Variants in TYRO3 observed in about 807,000 individuals in gnomAD.
TYRO3 encodes the protein tyrosine-protein kinase receptor TYRO3.
A neutral mutation model predicts 95.2 loss-of-function variants in TYRO3; 38 were observed. That is an observed-to-expected ratio of 0.40 (90% CI 0.31 to 0.52). TYRO3 has a LOEUF of 0.52. TYRO3 is among the 20% of genes least tolerant of loss of function. The pLI is 0.56. For synonymous variants in TYRO3, 367 were observed against 432.9 expected (o/e 0.85, Z 1.89); for missense variants, 812 against 1,116.4 (o/e 0.73, Z 3.89).
intron 9 of TYRO3, among the ~76,000 whole-genome samples, chr15:41,569,793 C>G (rs1223706564): frequency 6.6e-6 from 1 of 152,174 alleles, no homozygotes; most frequent in Non-Finnish European, 1.5e-5. Context: ...ATTCTCCTCT[C>G]TCTGCCCCAG....
intron 6 of TYRO3, 92 bp from the exon 7 acceptor site, chr15:41,567,268 A>G (rs2055734474): frequency 1.8e-6 from 2 of 1,116,556 alleles, no homozygotes; most frequent in African/African-American, 3.2e-5. Context: ...TGATAGAGGA[A>G]GCATTCATTC....
At chr15:41,560,428 T>TGTGTGC (rs1408766845) in intron 1 of TYRO3, among the ~76,000 whole-genome samples, 1,648 of 135,254 alleles carry the variant, frequency 0.012, 28 homozygotes, top group African/African-American at 0.037. Flanking sequence ...TGTGTGTGTG[T>TGTGTGC]GCGCGCGCGC....
At chr15:41,564,781 A>T in intron 5 of TYRO3, 1 of 511,018 alleles carries the variant, frequency 2.0e-6, no homozygotes, top group East Asian at 3.4e-5. Flanking sequence ...TTCCTCAGTT[A>T]CACAGGGCCT....
At chr15:41,572,421 T>C in intron 14 of TYRO3, 22 bp from the exon 15 acceptor site, 1 of 1,327,350 alleles carries the variant, frequency 7.5e-7, no homozygotes, top group Non-Finnish European at 1.0e-6. Flanking sequence ...TATGCTCAGC[T>C]CCTGACTCTC....
At chr15:41,564,922 G>T in intron 5 of TYRO3, 104 bp from the exon 6 acceptor site, 2 of 735,856 alleles carry the variant, frequency 2.7e-6, no homozygotes. Flanking sequence ...CTTTAGGTTG[G>T]GGATGCCCTG....
chr15:41,572,877 C>T, intron 15 of TYRO3, 125 bp from the exon 16 acceptor site: 1 of 819,970 alleles, frequency 1.2e-6, no homozygotes, highest in Non-Finnish European at 1.9e-6. Flanking sequence ...GAAGGCCCTC[C>T]ATCCCCTTCC....
chr15:41,568,246 GC>G lies in TYRO3; in HGVS notation c.993del (p.Ile332SerfsTer14), dbSNP rs1447471490. The G allele has an allele frequency of 6.2e-7, 1 of 1,612,700 alleles. No individual in the cohort carries two copies. Among genetic ancestry groups the G allele is most frequent in the Admixed American group, 1.7e-5 (1 of 59,978 alleles). ...AGCCAGCGCTCCCCAAAACCTCCAT[GC>G]CATCCGCACAGATTCAGGCCTCATC... is the stretch of plus-strand genomic sequence containing the variant. ...APASAPQNLH[A>X]IRTDSGLILE... On this transcript the variant is annotated frameshift_variant, in exon 8 of 19. Coordinates refer to ENST00000263798, the MANE Select transcript of TYRO3 (RefSeq NM_006293.4). LOFTEE classifies it high-confidence loss of function.
chr15:41,577,931 C>T lies in TYRO3; in HGVS notation c.2328C>T (p.Arg776=), dbSNP rs142520203. 6 of 1,613,090 alleles carry T rather than the reference C, an allele frequency of 3.7e-6. No individual in the cohort carries two copies. The African/African-American group carries it at 8.0e-5, about 22-fold the overall frequency. ...YQCWSADPKQ[R]PSFTCLRMEL... ...GCTGGAGTGCTGACCCCAAGCAGCG[C>T]CCGAGCTTTACTTGTCTGCGAATGG... is the stretch of plus-strand genomic sequence containing the variant. The change falls in exon 19 of 19, where the codon CGC becomes CGT. Residue 776 remains arginine, a synonymous_variant. Transcript: ENST00000263798.
At chr15:41,577,053 C>T (rs2055869528) in intron 18 of TYRO3, among the ~76,000 whole-genome samples, 1 of 152,148 alleles carries the variant, frequency 6.6e-6, no homozygotes, top group Non-Finnish European at 1.5e-5. Context: ...ACAGCTCTGT[C>T]ACTTTCCACG....
At chr15:41,564,363 C>A in intron 5 of TYRO3, 93 bp downstream of exon 5, 1 of 1,263,126 alleles carries the variant, frequency 7.9e-7, no homozygotes, top group South Asian at 1.2e-5. Flanking sequence ...TTCCAGCTCC[C>A]CTTGTGGTCC....
At position 41,578,300 on chromosome 15, in the gene TYRO3, C is replaced by T. The variant is rs761472030; in HGVS notation, c.*24C>T. On this transcript the variant is annotated 3_prime_UTR_variant, in exon 19 of 19. Transcript: ENST00000263798. Reference sequence around the variant, plus strand: ...AGCCCACAGGCAGAGGGCATCGGGGCCATTTGGCCGGCTCTGGTGGCCACT... The same window carrying T: ...AGCCCACAGGCAGAGGGCATCGGGGTCATTTGGCCGGCTCTGGTGGCCACT... The T allele has an allele frequency of 1.2e-5, 19 of 1,612,464 alleles. No individual in the cohort carries two copies. The African/African-American group carries it at 2.4e-4, about 20-fold the overall frequency.
rs199575682 is a variant in TYRO3, at chr15:41,578,004, G to C, written c.2401G>C (p.Asp801His). Reference sequence around the variant, plus strand: ...GCTGTCTGTGCTATCTGCCAGCCAGGACCCCTTATACATCAACATCGAGAG... The same window carrying C: ...GCTGTCTGTGCTATCTGCCAGCCAGCACCCCTTATACATCAACATCGAGAG... Reference protein sequence around the residue: ...GQLSVLSASQDPLYINIERAE... With the variant: ...GQLSVLSASQHPLYINIERAE... Residue 801 changes from aspartate (D) to histidine (H), a missense_variant, in exon 19 of 19, where the codon GAC (aspartate) becomes CAC (histidine). Coordinates refer to ENST00000263798, the MANE Select transcript of TYRO3 (RefSeq NM_006293.4). 237 of 1,613,916 alleles carry C rather than the reference G, an allele frequency of 1.5e-4. No homozygotes were observed. The highest frequency in any genetic ancestry group is 1.9e-4 in the Non-Finnish European group (224 of 1,180,036).
rs1225848934 is a variant in TYRO3 at position 41,559,296 on chromosome 15, G to A, written c.39G>A (p.Pro13=). 14 of 600,962 alleles carry A rather than the reference G, an allele frequency of 2.3e-5. No individual in the cohort carries two copies. The highest frequency in any genetic ancestry group is 3.1e-5 in the Non-Finnish European group (13 of 422,442). 37.2% of individuals were successfully genotyped at this position (600,962 alleles called of 1,614,324 possible). ...LRRSMGRPGL[P]PLPLPPPPRL... ...GGAGCATGGGGCGGCCGGGGCTCCC[G>A]CCGCTGCCGCTGCCGCCGCCACCGC... The change falls in exon 1 of 19, where the codon CCG becomes CCA. Residue 13 remains proline, a synonymous_variant. Transcript: ENST00000263798.
At chr15:41,573,528 C>G in intron 17 of TYRO3, 61 bp downstream of exon 17, 1 of 1,576,860 alleles carries the variant, frequency 6.3e-7, no homozygotes, top group East Asian at 2.2e-5. Flanking sequence ...CTTTAGGATC[C>G]TTAAGGGCCT....
intron 12 of TYRO3, 120 bp from the exon 13 acceptor site, chr15:41,570,918 G>A (rs1387346051): frequency 8.7e-7 from 1 of 1,146,564 alleles, no homozygotes; most frequent in Non-Finnish European, 1.3e-6. Flanking sequence ...ACTGGCAAGG[G>A]TGCCTTCTCC....
intron 4 of TYRO3, among the ~76,000 whole-genome samples, chr15:41,563,198 C>T (rs866290997): frequency 6.6e-6 from 1 of 152,112 alleles, no homozygotes; most frequent in African/African-American, 2.4e-5. Context: ...CCCCTAATGG[C>T]GCTTTCCGGG....
chr15:41,564,969 T>C, intron 5 of TYRO3, 57 bp from the exon 6 acceptor site: 2 of 1,208,568 alleles, frequency 1.7e-6, no homozygotes, highest in Non-Finnish European at 2.4e-6. Context: ...CTCCCATGCC[T>C]CCTGCTGCCT....
chr15:41,562,775 C>G, intron 4 of TYRO3, 57 bp downstream of exon 4: 1 of 1,531,818 alleles, frequency 6.5e-7, no homozygotes, highest in East Asian at 2.4e-5. Flanking sequence ...CTGGAGGGCA[C>G]TGAAGCTGGC....
chr15:41,573,584 T>G lies in TYRO3; in HGVS notation c.2146-95T>G. ...GTTTGGTTGCCCCCTGATGAGGCCC[T>G]GAGCCCCAGGTTGTGCTTGTCTCAG... On this transcript the variant is annotated intron_variant, in intron 17 of 18. Transcript: ENST00000263798. The G allele has an allele frequency of 3.5e-6, 5 of 1,447,654 alleles. No individual in the cohort carries two copies. In the South Asian group the frequency reaches 4.9e-5, roughly 14 times the overall value. The allele number at this position is 1,447,654 out of a possible 1,614,324, so 89.7% of individuals were successfully genotyped here.
Sources: allele counts gnomAD v4.1 joint callset (sites outside exome capture counted in the v4.1 genomes callset), GRCh38; gene constraint gnomAD v4.1.1; transcripts MANE v1.5; gene names NCBI Gene and HGNC (gene_info 2026-07-23, HGNC 2026-07-21).